Variants in ACOT7 observed in about 807,000 individuals in gnomAD.
ACOT7 encodes the protein acyl-CoA thioesterase 7.
Under a neutral mutation model 40.2 loss-of-function variants are expected in ACOT7, and 12 were observed. The observed-to-expected ratio is 0.30, with a 90% CI of 0.19 to 0.48. ACOT7 has a LOEUF of 0.48. ACOT7 is among the 20% of genes least tolerant of loss of function. The pLI is 0.99. For synonymous variants in ACOT7, 228 were observed against 219.5 expected (o/e 1.04, Z -0.34); for missense variants, 395 against 530.8 (o/e 0.74, Z 2.51).
intron 3 of ACOT7, among the ~76,000 whole-genome samples, chr1:6,339,016 C>T (rs902744725): frequency 1.8e-4 from 27 of 152,318 alleles, no homozygotes; most frequent in Admixed American, 3.9e-4. Flanking sequence ...GGAGCAAGCA[C>T]TGTCCTCTCT....
chr1:6,373,342 C>T (rs1004948590), intron 1 of ACOT7, among the ~76,000 whole-genome samples: 1 of 152,072 alleles, frequency 6.6e-6, no homozygotes, highest in South Asian at 2.1e-4. Flanking sequence ...CCTCTGCCTC[C>T]CAGGTTCAAG....
intron 5 of ACOT7, among the ~76,000 whole-genome samples, chr1:6,321,900 C>T (rs567440975): frequency 6.6e-6 from 1 of 152,324 alleles, no homozygotes; most frequent in African/African-American, 2.4e-5. Context: ...CAATTTCTGG[C>T]CTTCTCTCAG....
intron 6 of ACOT7, among the ~76,000 whole-genome samples, chr1:6,309,461 A>T (rs924167277): frequency 4.0e-5 from 6 of 148,550 alleles, no homozygotes; most frequent in Admixed American, 6.7e-5. Context: ...GGATTTTGTT[A>T]TTTTTTTTTT....
chr1:6,290,682 G>A (rs1639639289), intron 7 of ACOT7, among the ~76,000 whole-genome samples: 1 of 152,218 alleles, frequency 6.6e-6, no homozygotes, highest in Admixed American at 6.5e-5. Flanking sequence ...CAAAACCGCT[G>A]CCTTCTGGGG....
At position 6,358,427 on chromosome 1, in the gene ACOT7, A is replaced by G. The variant is rs1202836284; in HGVS notation, c.144-8561T>C. Among the ~76,000 whole-genome samples the G allele has an allele frequency of 6.6e-6, 1 of 152,140 alleles. No homozygotes were observed. Among genetic ancestry groups the G allele is most frequent in the Non-Finnish European group, 1.5e-5 (1 of 68,016 alleles). ...TGTGCAGCCCACAGACCCCCCCTCC[A>G]CCGCAGGTAGGAAGCTCAGCAGCGC... On this transcript the variant is annotated intron_variant, in intron 1 of 8. Coordinates refer to ENST00000361521, the MANE Select transcript of ACOT7 (RefSeq NM_007274.4). This position sits in a 1 kb window ranked among gnomAD's most constrained non-coding sequence, Gnocchi z 4.1.
At chr1:6,390,115 GA>G (rs1377749956) in intron 1 of ACOT7, among the ~76,000 whole-genome samples, 8 of 152,106 alleles carry the variant, frequency 5.3e-5, no homozygotes, top group African/African-American at 1.7e-4. Flanking sequence ...GAGTCAAGCC[GA>G]TGGAACCACA....
chr1:6,382,328 C>A (rs1008879030), intron 1 of ACOT7, among the ~76,000 whole-genome samples: 10 of 151,344 alleles, frequency 6.6e-5, no homozygotes, highest in Non-Finnish European at 8.8e-5. Flanking sequence ...CGCTTGAATC[C>A]GGGAGGCGGA....
At chr1:6,333,626 G>A (rs544920462) in intron 3 of ACOT7, 58 bp from the exon 4 acceptor site, 52 of 1,549,676 alleles carry the variant, frequency 3.4e-5, no homozygotes, top group South Asian at 1.9e-4. Flanking sequence ...GAATGTGAGC[G>A]TCCAGGCACG....
chr1:6,393,523 TC>T lies in ACOT7; in HGVS notation c.-125del. ...CGCCGGCCCCACCCCGAGCCCCGCC[TC>T]CCAGGCCGCCAAGGCTGCAGAGAGC... On this transcript the variant is annotated 5_prime_UTR_variant, in exon 1 of 9. Coordinates refer to ENST00000361521, the MANE Select transcript of ACOT7 (RefSeq NM_007274.4). 2.2e-6 allele frequency: 2 copies of T among 901,954 alleles called. No individual in the cohort carries two copies. The highest frequency in any genetic ancestry group is 2.9e-6 in the Non-Finnish European group (2 of 698,774). The allele number at this position is 901,954 out of a possible 1,614,324, so 55.9% of individuals were successfully genotyped here.
At chr1:6,266,099 C>G (rs960845622) in intron 8 of ACOT7, among the ~76,000 whole-genome samples, 1 of 152,180 alleles carries the variant, frequency 6.6e-6, no homozygotes, top group South Asian at 2.1e-4. Flanking sequence ...GAAGAGTCTT[C>G]GGTGTACACA....
chr1:6,370,993 T>C (rs1642123186), intron 1 of ACOT7, among the ~76,000 whole-genome samples: 1 of 151,820 alleles, frequency 6.6e-6, no homozygotes, highest in Non-Finnish European at 1.5e-5. Context: ...ATATTTTTAG[T>C]AGAGACAGGG....
At chr1:6,390,893 G>A (rs1171901478) in intron 1 of ACOT7, among the ~76,000 whole-genome samples, 1 of 152,110 alleles carries the variant, frequency 6.6e-6, no homozygotes, top group Non-Finnish European at 1.5e-5. Flanking sequence ...CTGAGATCGT[G>A]CCATTGCATT....
At chr1:6,343,657 A>G (rs1167280118) in intron 2 of ACOT7, among the ~76,000 whole-genome samples, 1 of 152,274 alleles carries the variant, frequency 6.6e-6, no homozygotes, top group Non-Finnish European at 1.5e-5. Flanking sequence ...AGAGCCAGGC[A>G]AGAATTAGGC....
At chr1:6,307,719 G>A (rs1640197053) in intron 6 of ACOT7, among the ~76,000 whole-genome samples, 1 of 152,024 alleles carries the variant, frequency 6.6e-6, no homozygotes, top group Non-Finnish European at 1.5e-5. Flanking sequence ...CAGGCGGAGG[G>A]AACCACGACC....
At chr1:6,363,581 T>G (rs1225709821) in intron 1 of ACOT7, among the ~76,000 whole-genome samples, 1 of 152,112 alleles carries the variant, frequency 6.6e-6, no homozygotes, top group Non-Finnish European at 1.5e-5. Context: ...GTCCCTGATA[T>G]GCAGAAATAA....
intron 2 of ACOT7, 70 bp from the exon 3 acceptor site, chr1:6,339,659 C>A: frequency 6.4e-7 from 1 of 1,558,288 alleles, no homozygotes; most frequent in Admixed American, 1.8e-5. Context: ...CCAGGACATG[C>A]CCCCTGGAAA....
At chr1:6,321,919 T>C (rs1640655812) in intron 5 of ACOT7, among the ~76,000 whole-genome samples, 1 of 152,174 alleles carries the variant, frequency 6.6e-6, no homozygotes, top group African/African-American at 2.4e-5. Context: ...AGAGCCCCAC[T>C]CCTCGTGGTA....
chr1:6,319,275 C>T (rs1194519309), intron 5 of ACOT7, among the ~76,000 whole-genome samples: 2 of 152,236 alleles, frequency 1.3e-5, no homozygotes, highest in Non-Finnish European at 2.9e-5. Context: ...TCACTGTAGC[C>T]TCCGCCTCCT....
chr1:6,283,632 A>G (rs1305167757), intron 7 of ACOT7, among the ~76,000 whole-genome samples: 1 of 152,266 alleles, frequency 6.6e-6, no homozygotes, highest in Non-Finnish European at 1.5e-5. Flanking sequence ...TTATAAAAGC[A>G]TTAGACGTAA....
Sources: gnomAD v4.1 joint callset for allele counts (sites outside exome capture counted in the v4.1 genomes callset) on GRCh38, gnomAD v4.1.1 for gene constraint, Gnocchi (gnomAD v3.1) non-coding constraint, MANE v1.5 for transcripts, NCBI Gene and HGNC (gene_info 2026-07-23, HGNC 2026-07-21) for gene names.